ATXN1: variants seen among roughly 807,000 people sequenced by gnomAD.
ATXN1 encodes the protein ataxin-1.
In ATXN1, 8 loss-of-function variants were observed where a neutral mutation model predicts 56.4. That is an observed-to-expected ratio of 0.14 (90% CI 0.08 to 0.26). The LOEUF (loss-of-function observed/expected upper bound fraction) is 0.26, where lower values mean the gene tolerates loss of function less well. Ranked by LOEUF, ATXN1 falls within the 10% of genes least tolerant of loss-of-function variation. The probability of loss-of-function intolerance (pLI) is 1.00; values close to 1 mark genes in which losing one functional copy is unlikely to be tolerated. For synonymous variants in ATXN1, 514 were observed against 494.6 expected (o/e 1.04, Z -0.52); for missense variants, 987 against 1,106.5 (o/e 0.89, Z 1.53).
chr6:16,571,712 G>C (rs1245840613), intron 4 of ATXN1, among the ~76,000 whole-genome samples: 1 of 151,668 alleles, frequency 6.6e-6, no homozygotes, highest in Non-Finnish European at 1.5e-5. Flanking sequence ...CCAGGCTGGA[G>C]TGTAGTGGTG....
chr6:16,531,443 C>A (rs966123658), intron 4 of ATXN1, among the ~76,000 whole-genome samples: 1 of 151,970 alleles, frequency 6.6e-6, no homozygotes, highest in Non-Finnish European at 1.5e-5. Context: ...GCCAACATGG[C>A]GAAACCCTGT....
chr6:16,325,570 C>T (rs1760783804), intron 7 of ATXN1, among the ~76,000 whole-genome samples: 1 of 152,138 alleles, frequency 6.6e-6, no homozygotes, highest in Admixed American at 6.5e-5. Flanking sequence ...TTGTTTGCCA[C>T]ATTTCCCCTC....
intron 3 of ATXN1, among the ~76,000 whole-genome samples, chr6:16,588,572 A>G (rs1199616126): frequency 5.9e-5 from 9 of 152,214 alleles, no homozygotes; most frequent in African/African-American, 1.9e-4. Context: ...CTTGTATAGA[A>G]TGACCCTCCC....
chr6:16,614,421 C>T (rs1183187548), intron 3 of ATXN1, among the ~76,000 whole-genome samples: 2 of 151,808 alleles, frequency 1.3e-5, no homozygotes, highest in Admixed American at 1.3e-4. Flanking sequence ...TACCAGTTTC[C>T]ATGATACATA....
chr6:16,606,467 T>C (rs1209591957), intron 3 of ATXN1, among the ~76,000 whole-genome samples: 1 of 151,962 alleles, frequency 6.6e-6, no homozygotes, highest in East Asian at 1.9e-4. Context: ...CAGGGGATAA[T>C]GGGCAGCCCT....
chr6:16,685,167 G>T (rs1022690500), intron 2 of ATXN1, among the ~76,000 whole-genome samples: 2 of 152,132 alleles, frequency 1.3e-5, no homozygotes, highest in African/African-American at 4.8e-5. Flanking sequence ...TAAGTGTATT[G>T]TAAATTTTTG....
At chr6:16,652,950 C>T (rs2113350777) in intron 3 of ATXN1, 1 of 152,300 alleles carries the variant, frequency 6.6e-6, no homozygotes, top group African/African-American at 2.4e-5. Context: ...TGCTTTTTCA[C>T]ACAAACTGAA....
intron 6 of ATXN1, among the ~76,000 whole-genome samples, chr6:16,456,213 G>A (rs1759869724): frequency 1.3e-5 from 2 of 152,176 alleles, no homozygotes; most frequent in Admixed American, 6.5e-5. Context: ...AAGTCAGCGA[G>A]ACCATGAATC....
chr6:16,361,371 C>A (rs1761805405), intron 6 of ATXN1, among the ~76,000 whole-genome samples: 1 of 152,198 alleles, frequency 6.6e-6, no homozygotes, highest in Non-Finnish European at 1.5e-5. Context: ...CGTTCACGCA[C>A]ATGGCTAATT....
At chr6:16,337,269 G>A (rs1761145168) in intron 6 of ATXN1, among the ~76,000 whole-genome samples, 2 of 152,246 alleles carry the variant, frequency 1.3e-5, no homozygotes, top group South Asian at 4.1e-4. Flanking sequence ...TGGGGGTGCA[G>A]TTAGTGAGCT....
At chr6:16,417,683 C>T (rs1250085493) in intron 6 of ATXN1, among the ~76,000 whole-genome samples, 2 of 152,136 alleles carry the variant, frequency 1.3e-5, no homozygotes, top group Admixed American at 1.3e-4. Flanking sequence ...CGTGATCCCC[C>T]TGCCTCGGCC....
intron 6 of ATXN1, chr6:16,485,002 C>T (rs1307750929): frequency 1.4e-5 from 2 of 143,790 alleles, no homozygotes. Context: ...TACACGCACA[C>T]ACATACATAA....
At chr6:16,373,584 G>A (rs1295303859) in intron 6 of ATXN1, among the ~76,000 whole-genome samples, 1 of 152,174 alleles carries the variant, frequency 6.6e-6, no homozygotes, top group Non-Finnish European at 1.5e-5. Context: ...ACATATTGTA[G>A]GAGGGACCTG....
At position 16,301,084 on chromosome 6, in the gene ATXN1, G is replaced by GATT. The variant is rs1760081222; in HGVS notation, c.*5244_*5245insAAT. The GATT allele has an allele frequency of 1.0e-5, 1 of 98,098 alleles. No individual in the cohort carries two copies. Among genetic ancestry groups the GATT allele is most frequent in the African/African-American group, 5.0e-5 (1 of 19,850 alleles). 6.1% of individuals were successfully genotyped at this position (98,098 alleles called of 1,614,324 possible). ...AACATGTAACTTTCAACCCTTCTCT[G>GATT]CTTTTTTTTTTTTACAAACAAAGTA... On this transcript the variant is annotated 3_prime_UTR_variant, in exon 8 of 8. Transcript: ENST00000436367.
intron 2 of ATXN1, among the ~76,000 whole-genome samples, chr6:16,733,834 C>T (rs551028170): frequency 2.3e-3 from 342 of 151,024 alleles, no homozygotes; most frequent in African/African-American, 8.1e-3. Context: ...GCAACAAGAG[C>T]AAAACTCCAT....
At chr6:16,580,277 A>G (rs1327294164) in intron 4 of ATXN1, among the ~76,000 whole-genome samples, 1 of 152,186 alleles carries the variant, frequency 6.6e-6, no homozygotes, top group Non-Finnish European at 1.5e-5. Flanking sequence ...CTCCTATCTC[A>G]CATTCCTGAA....
rs540459659 is a variant in ATXN1 at position 16,627,114 on chromosome 6, C to T, written c.-489+30662G>A. Among the ~76,000 whole-genome samples, 22 of 152,290 alleles carry T rather than the reference C, an allele frequency of 1.4e-4. 1 individual carries two copies. The South Asian group carries it at 2.9e-3, about 20-fold the overall frequency. On this transcript the variant is annotated intron_variant, in intron 3 of 7. Coordinates refer to ENST00000436367, the MANE Select transcript of ATXN1 (RefSeq NM_001128164.2). Reference sequence around the variant, plus strand: ...GAAAGACAATGTGAACTGGCAGCAACGGTACTGGAACAGGAATGAGGAGTC... The same window carrying T: ...GAAAGACAATGTGAACTGGCAGCAATGGTACTGGAACAGGAATGAGGAGTC...
intron 3 of ATXN1, among the ~76,000 whole-genome samples, chr6:16,596,164 T>G (rs1396637698): frequency 2.0e-5 from 3 of 152,084 alleles, no homozygotes; most frequent in Non-Finnish European, 4.4e-5. Context: ...GCTTGGCTAA[T>G]TTTTACTTAT....
At chr6:16,612,775 C>T (rs913735766) in intron 3 of ATXN1, among the ~76,000 whole-genome samples, 1 of 151,676 alleles carries the variant, frequency 6.6e-6, no homozygotes, top group Non-Finnish European at 1.5e-5. Context: ...CCTGTAGTCC[C>T]AGCTACTTGG....
Sources: gnomAD v4.1 joint callset for allele counts (sites outside exome capture counted in the v4.1 genomes callset) on GRCh38, gnomAD v4.1.1 for gene constraint, MANE v1.5 for transcripts, NCBI Gene and HGNC (gene_info 2026-07-23, HGNC 2026-07-21) for gene names.